DNAH10: variants seen among roughly 807,000 people sequenced by gnomAD.
DNAH10 encodes the protein dynein axonemal heavy chain 10.
A neutral mutation model predicts 506.6 loss-of-function variants in DNAH10; 348 were observed. The ratio of observed to expected loss-of-function variants is 0.69; its 90% CI spans 0.63 to 0.75. The LOEUF (loss-of-function observed/expected upper bound fraction) is 0.75. Among genes scored for constraint, DNAH10 ranks in the 30% least tolerant of loss-of-function variants. The probability of loss-of-function intolerance (pLI) is 0.00; values close to 1 mark genes in which losing one functional copy is unlikely to be tolerated. For missense variants in DNAH10, 5,179 were observed against 5,787.1 expected (o/e 0.89, Z 3.41); for synonymous variants, 2,059 against 2,198.6 (o/e 0.94, Z 1.78).
intron 21 of DNAH10, among the ~76,000 whole-genome samples, chr12:123,818,424 A>T (rs1229533898): frequency 6.6e-6 from 1 of 152,016 alleles, no homozygotes; most frequent in Non-Finnish European, 1.5e-5. Context: ...CCCAGGTTCA[A>T]GCGATTCTGC....
intron 10 of DNAH10, 51 bp downstream of exon 10, chr12:123,788,053 C>T: frequency 6.5e-7 from 1 of 1,547,002 alleles, no homozygotes; most frequent in South Asian, 1.2e-5. Flanking sequence ...AGGCAGTTGG[C>T]TTTTGACAGT....
At chr12:123,930,346 G>A in intron 72 of DNAH10, 56 bp from the exon 73 acceptor site, 1 of 1,435,702 alleles carries the variant, frequency 7.0e-7, no homozygotes, top group Non-Finnish European at 9.1e-7. Context: ...CGGGCCCCCA[G>A]GGTGCACACA....
At chr12:123,851,208 G>GGAAGAGCCACATGGA in intron 35 of DNAH10, 132 bp downstream of exon 35, 1 of 957,360 alleles carries the variant, frequency 1.0e-6, no homozygotes, top group Non-Finnish European at 1.5e-6. Flanking sequence ...AGCTCCATGT[G>GGAAGAGCCACATGGA]GCTCTTCCAG....
chr12:123,866,238 T>A (rs916340119), intron 41 of DNAH10, among the ~76,000 whole-genome samples, 165 bp downstream of exon 41: 3 of 104,106 alleles, frequency 2.9e-5, no homozygotes, highest in Non-Finnish European at 6.0e-5. Context: ...ACTTTTTTTT[T>A]TTTTTTTTTT....
rs113119368 is a variant in DNAH10, at chr12:123,846,500, C to G, written c.5814+346C>G. ...GACAGCTTTTATTCCAGAATATATC[C>G]GTTCAAGTGAACGGCCTTGGATGAT... On this transcript the variant is annotated intron_variant, in intron 32 of 78. Transcript: ENST00000673944. This position sits in a 1 kb window ranked among gnomAD's most constrained non-coding sequence, Gnocchi z 4.5. 6.6e-6 allele frequency among the ~76,000 whole-genome samples: 1 copy of G among 152,026 alleles called. No homozygotes were observed. The highest frequency in any genetic ancestry group is 2.4e-5 in the African/African-American group (1 of 41,342).
At chr12:123,836,113 C>G (rs1274503276) in intron 28 of DNAH10, among the ~76,000 whole-genome samples, 1 of 152,168 alleles carries the variant, frequency 6.6e-6, no homozygotes, top group African/African-American at 2.4e-5. Context: ...TCTCATGGTT[C>G]TGTCACTTTA....
Position 123,909,569 on chromosome 12 carries a change from G to A in DNAH10, c.9997+127G>A, listed in dbSNP as rs991186991. The A allele has an allele frequency of 7.1e-5, 86 of 1,203,642 alleles. No homozygotes were observed. The highest frequency in any genetic ancestry group is 8.9e-5 in the Non-Finnish European group (79 of 885,592). The allele number at this position is 1,203,642 out of a possible 1,614,324, so 74.6% of individuals were successfully genotyped here. On this transcript the variant is annotated intron_variant, in intron 58 of 78. Transcript: ENST00000673944. This position sits in a 1 kb window ranked among gnomAD's most constrained non-coding sequence, Gnocchi z 5.4. Reference sequence around the variant, plus strand: ...CCTCCCCTTCTGGTCAGATGGTATCGGATGGAACAGGCAACTGATGGTCAC... The same window carrying A: ...CCTCCCCTTCTGGTCAGATGGTATCAGATGGAACAGGCAACTGATGGTCAC...
chr12:123,857,482 C>G (rs1951442144), intron 37 of DNAH10, among the ~76,000 whole-genome samples: 1 of 152,214 alleles, frequency 6.6e-6, no homozygotes, highest in South Asian at 2.1e-4. Context: ...GTAATCCCAG[C>G]ACTTCGGGAG....
At chr12:123,779,699 TGC>T (rs1326711782) in intron 5 of DNAH10, among the ~76,000 whole-genome samples, 3 of 152,106 alleles carry the variant, frequency 2.0e-5, no homozygotes, top group Admixed American at 2.0e-4. Flanking sequence ...GCTGCCAATT[TGC>T]AGGAAATACA....
chr12:123,823,306 G>A (rs1423536197), intron 24 of DNAH10, among the ~76,000 whole-genome samples: 1 of 152,218 alleles, frequency 6.6e-6, no homozygotes, highest in African/African-American at 2.4e-5. Flanking sequence ...GTTGGGATGT[G>A]CGAAGCGGCC....
Position 123,801,353 on chromosome 12 carries a change from T to C in DNAH10, c.2535T>C (p.Ser845=), listed in dbSNP as rs1406120720. The change falls in exon 16 of 79, where the codon TCT becomes TCC. Residue 845 remains serine, a synonymous_variant. Transcript: ENST00000673944. ...TAGGAACGTTAAACGATGCGGAGTC[T>C]GTGCTTCTCAAAGATCATTCCCAGG... ...MLIGTLNDAE[S]VLLKDHSQEL... The C allele has an allele frequency of 8.1e-6, 13 of 1,614,228 alleles. No individual in the cohort carries two copies. In the South Asian group the frequency reaches 1.3e-4, roughly 16 times the overall value.
chr12:123,904,664 C>T (rs775709165), intron 57 of DNAH10, among the ~76,000 whole-genome samples: 1 of 152,220 alleles, frequency 6.6e-6, no homozygotes, highest in Admixed American at 6.5e-5. Context: ...ATACATGGCT[C>T]TGCCTCTTTG....
rs1955448860 is a variant in DNAH10, at chr12:123,935,369, T to C, written c.13658T>C (p.Met4553Thr). Residue 4553 changes from methionine to threonine, a missense_variant, in exon 79 of 79, where the codon ATG becomes ACG. Met to Thr is a moderately conservative substitution (Grantham distance 81). Transcript: ENST00000673944. ...CGGACCCCCGTCTACACCACCTCCA[T>C]GAGAAGGAACGCCATGGGAGTCGGC... is the stretch of plus-strand genomic sequence containing the variant. The part of the protein sequence containing the change: ...TFRTPVYTTS[M>T]RRNAMGVGLV... The C allele has an allele frequency of 6.2e-7, 1 of 1,611,180 alleles. No homozygotes were observed. Among genetic ancestry groups the C allele is most frequent in the Non-Finnish European group, 8.5e-7 (1 of 1,177,536 alleles).
intron 26 of DNAH10, among the ~76,000 whole-genome samples, chr12:123,830,974 A>AT (rs1280614303): frequency 6.6e-6 from 1 of 152,118 alleles, no homozygotes; most frequent in Admixed American, 6.6e-5. Flanking sequence ...AAGAGAAAAC[A>AT]TATTTGCTCT....
At chr12:123,763,460 C>T (rs1956903919) in intron 1 of DNAH10, among the ~76,000 whole-genome samples, 1 of 152,146 alleles carries the variant, frequency 6.6e-6, no homozygotes, top group African/African-American at 2.4e-5. Context: ...CTTGGGGATC[C>T]CTTGCAGGGC....
rs1166271568 is a variant in DNAH10, at chr12:123,875,446, G to A, written c.8154G>A (p.Glu2718=). ...TCAATGTGCCATTTCCTTCAGAGGA[G>A]TCTCTGCATTTAATTTATTCCTCCA... ...SVFNVPFPSE[E]SLHLIYSSIL... is the part of the protein sequence containing the mutation. The change falls in exon 47 of 79, where the codon GAG becomes GAA. Residue 2718 remains glutamate (E), a synonymous_variant. Coordinates refer to ENST00000673944, the MANE Select transcript of DNAH10 (RefSeq NM_001372106.1). 6.2e-7 allele frequency: 1 copy of A among 1,613,998 alleles called. No homozygotes were observed. The highest frequency in any genetic ancestry group is 8.5e-7 in the Non-Finnish European group (1 of 1,179,892).
Position 123,813,398 on chromosome 12 carries a change from G to A in DNAH10, c.3379G>A (p.Glu1127Lys). ...LWKLDKAIVM[E>K]KFAAKKPPCV... is the part of the protein sequence containing the mutation. ...GAAATTGGACAAAGCTATTGTGATG[G>A]AGAAATTTGCTGCCAAGAAACCTCC... Residue 1127 changes from glutamate to lysine, a missense_variant, in exon 20 of 79, where the codon GAG becomes AAG. Coordinates refer to ENST00000673944, the MANE Select transcript of DNAH10 (RefSeq NM_001372106.1). The A allele has an allele frequency of 1.2e-6, 2 of 1,614,210 alleles. No homozygotes were observed. The highest frequency in any genetic ancestry group is 1.7e-6 in the Non-Finnish European group (2 of 1,180,040).
In DNAH10 at chr12:123,871,485, C is replaced by A; in HGVS notation, c.7668C>A (p.Thr2556=). ...ACACAGTGGATACCACTCGGACTAC[C>A]TGGATATTGGAACAAATGGTTAAAA... is the stretch of plus-strand genomic sequence containing the variant. ...LVHTVDTTRT[T]WILEQMVKIK... The change falls in exon 45 of 79, where the codon ACC becomes ACA. Residue 2556 remains threonine, a synonymous_variant. Transcript: ENST00000673944. The A allele has an allele frequency of 6.3e-7, 1 of 1,580,946 alleles. No homozygotes were observed. Among genetic ancestry groups the A allele is most frequent in the East Asian group, 2.3e-5 (1 of 43,726 alleles).
chr12:123,908,920 C>T (rs1953934669), intron 57 of DNAH10, among the ~76,000 whole-genome samples: 1 of 152,116 alleles, frequency 6.6e-6, no homozygotes, highest in Non-Finnish European at 1.5e-5. Context: ...CATTTAGAGT[C>T]TGAGGAATCA....
Sources: gnomAD v4.1 joint callset for allele counts (sites outside exome capture counted in the v4.1 genomes callset) on GRCh38, gnomAD v4.1.1 for gene constraint, Gnocchi (gnomAD v3.1) non-coding constraint, MANE v1.5 for transcripts, NCBI Gene and HGNC (gene_info 2026-07-23, HGNC 2026-07-21) for gene names.